The following EPB41L3 variants were observed in gnomAD, a reference collection of about 807,000 sequenced individuals.
EPB41L3 encodes the protein erythrocyte membrane protein band 4.1 like 3, also known as band 4.1-like protein 3.
In EPB41L3, 57 loss-of-function variants were observed where a neutral mutation model predicts 127.1. The ratio of observed to expected loss-of-function variants is 0.45; its 90% CI spans 0.36 to 0.56. The LOEUF is 0.56. EPB41L3 is among the 20% of genes least tolerant of loss of function. EPB41L3 has a pLI of 0.00. For missense variants in EPB41L3, 1,273 were observed against 1,372.2 expected, an observed-to-expected ratio of 0.93 and a Z score of 1.14; for synonymous variants, 572 against 549.5, an observed-to-expected ratio of 1.04 and a Z score of -0.57.
intron 2 of EPB41L3, among the ~76,000 whole-genome samples, chr18:5,480,667 G>A (rs1267767634): frequency 6.6e-6 from 1 of 152,222 alleles, no homozygotes; most frequent in East Asian, 1.9e-4. Flanking sequence ...TAGACCAAGT[G>A]AGGCTTGGGG....
intron 11 of EPB41L3, among the ~76,000 whole-genome samples, chr18:5,420,558 T>C (rs2077350459): frequency 6.6e-6 from 1 of 152,208 alleles, no homozygotes. Flanking sequence ...TACCATAATA[T>C]GCATATACAT....
intron 1 of EPB41L3, among the ~76,000 whole-genome samples, chr18:5,618,405 G>A (rs2140948): frequency 0.22 from 32,920 of 152,170 alleles, 3,753 homozygotes; most frequent in Non-Finnish European, 0.25. Flanking sequence ...CCTTATGCGG[G>A]AAATGTAAAA....
At chr18:5,560,470 T>G (rs986884523) in intron 3 of EPB41L3, among the ~76,000 whole-genome samples, 2 of 152,186 alleles carry the variant, frequency 1.3e-5, no homozygotes, top group Non-Finnish European at 2.9e-5. Context: ...AATTTTAACT[T>G]TTTCAAACTT....
intron 6 of EPB41L3, among the ~76,000 whole-genome samples, chr18:5,435,796 T>C (rs2079686689): frequency 1.3e-5 from 2 of 152,206 alleles, no homozygotes; most frequent in South Asian, 2.1e-4. Flanking sequence ...GGTAACTCAA[T>C]AGCTATGTCA....
chr18:5,395,784 C>A, intron 19 of EPB41L3, 77 bp from the exon 20 acceptor site: 1 of 1,089,108 alleles, frequency 9.2e-7, no homozygotes. Flanking sequence ...TTATTTAAGG[C>A]ATTACGACAA....
intron 2 of EPB41L3, among the ~76,000 whole-genome samples, chr18:5,484,086 CAAAAAAAAAAAA>C (rs57231548): frequency 1.6e-4 from 3 of 18,264 alleles, no homozygotes; most frequent in South Asian, 5.3e-3. Flanking sequence ...CAAACAAACT[CAAAAAAAAAAAA>C]AAAAAAAAAA....
chr18:5,535,202 T>G (rs1014178575), intron 1 of EPB41L3, among the ~76,000 whole-genome samples: 1 of 151,904 alleles, frequency 6.6e-6, no homozygotes, highest in Non-Finnish European at 1.5e-5. Flanking sequence ...CCCCCGTCCA[T>G]GGAAAAACTG....
intron 1 of EPB41L3, among the ~76,000 whole-genome samples, chr18:5,506,727 A>G (rs142363826): frequency 4.4e-3 from 665 of 152,218 alleles, no homozygotes; most frequent in South Asian, 0.021. Flanking sequence ...TGGGTGCTCA[A>G]AGAGTATCTG....
chr18:5,476,502 G>A (rs1399131053), intron 3 of EPB41L3, among the ~76,000 whole-genome samples: 3 of 152,090 alleles, frequency 2.0e-5, no homozygotes, highest in East Asian at 1.9e-4. Flanking sequence ...CTTGTACCTC[G>A]GTCAGCCCTA....
intron 8 of EPB41L3, 43 bp downstream of exon 8, chr18:5,433,426 C>T (rs2079273132): frequency 1.5e-6 from 2 of 1,366,376 alleles, no homozygotes; most frequent in South Asian, 2.4e-5. Context: ...CATCAAGTTA[C>T]ATAATATTAA....
At chr18:5,471,516 T>C (rs1302023639) in intron 3 of EPB41L3, among the ~76,000 whole-genome samples, 1 of 152,182 alleles carries the variant, frequency 6.6e-6, no homozygotes, top group Non-Finnish European at 1.5e-5. Context: ...ACTAGAAAAC[T>C]TGGAATATTT....
At chr18:5,557,118 T>C (rs1568569011) in intron 3 of EPB41L3, among the ~76,000 whole-genome samples, 1 of 152,106 alleles carries the variant, frequency 6.6e-6, no homozygotes, top group Non-Finnish European at 1.5e-5. Context: ...GTGCTGAGCT[T>C]ATAGATCCAT....
At chr18:5,508,147 G>A (rs2092318223) in intron 1 of EPB41L3, 1 of 152,090 alleles carries the variant, frequency 6.6e-6, no homozygotes, top group South Asian at 2.1e-4. Context: ...GGAACTACAA[G>A]TATAAAATAA....
intron 1 of EPB41L3, among the ~76,000 whole-genome samples, chr18:5,532,034 CAGGCTCAA>C (rs1449921245): frequency 2.6e-5 from 4 of 152,174 alleles, no homozygotes; most frequent in Non-Finnish European, 4.4e-5. Flanking sequence ...GGCACTGTAC[CAGGCTCAA>C]AGACACAAAG....
chr18:5,541,084 CA>C (rs147766745), intron 1 of EPB41L3, among the ~76,000 whole-genome samples: 191 of 76,308 alleles, frequency 2.5e-3, no homozygotes, highest in African/African-American at 7.3e-3. Context: ...GACTCCGTCT[CA>C]AAAAAAAAAA....
At chr18:5,617,375 G>A (rs990419455) in intron 1 of EPB41L3, among the ~76,000 whole-genome samples, 1 of 149,258 alleles carries the variant, frequency 6.7e-6, no homozygotes, top group Non-Finnish European at 1.5e-5. Context: ...CTGGAGTGCA[G>A]TGGTGCCATC....
At chr18:5,573,448 T>C (rs946055130) in intron 3 of EPB41L3, among the ~76,000 whole-genome samples, 2 of 152,250 alleles carry the variant, frequency 1.3e-5, no homozygotes, top group Non-Finnish European at 1.5e-5. Flanking sequence ...ATTCAGTAGC[T>C]ATACGGAGGA....
In EPB41L3 at chr18:5,523,477, T is replaced by C. The variant is rs531543930; in HGVS notation, c.-12+20436A>G. Among the ~76,000 whole-genome samples, 7 of 152,348 alleles carry C rather than the reference T, an allele frequency of 4.6e-5. No individual in the cohort carries two copies. In the South Asian group the frequency reaches 1.2e-3, roughly 27 times the overall value. ...AAATTTAATTTTTCCTCATTTGAAG[T>C]TTTAAAATATACCCAACTTAAAAAA... On this transcript the variant is annotated intron_variant, in intron 1 of 22. Coordinates refer to ENST00000341928, the MANE Select transcript of EPB41L3 (RefSeq NM_012307.5).
At chr18:5,423,575 A>G (rs965717747) in intron 10 of EPB41L3, 22 bp from the exon 11 acceptor site, 2 of 1,584,854 alleles carry the variant, frequency 1.3e-6, no homozygotes, top group Non-Finnish European at 1.7e-6. Context: ...AAAGAAAAAC[A>G]GCAGAAAGAC....
Sources: allele counts gnomAD v4.1 joint callset (sites outside exome capture counted in the v4.1 genomes callset), GRCh38; gene constraint gnomAD v4.1.1; transcripts MANE v1.5; gene names NCBI Gene and HGNC (gene_info 2026-07-23, HGNC 2026-07-21).